Variants in LANCL3 observed in about 807,000 individuals in gnomAD.
The protein encoded by LANCL3 is LanC like family member 3, also known as lanC-like protein 3.
In LANCL3, 19 loss-of-function variants were observed where a neutral mutation model predicts 26.5. That is an observed-to-expected ratio of 0.72 (90% confidence interval 0.50 to 1.05). The LOEUF (loss-of-function observed/expected upper bound fraction) is 1.05. Among genes scored for constraint, LANCL3 ranks in the 50% least tolerant of loss-of-function variants. The pLI is 0.00. For synonymous variants in LANCL3, 160 were observed against 166.6 expected, an observed-to-expected ratio of 0.96 and a Z score of 0.30; for missense variants, 318 against 362.7, an observed-to-expected ratio of 0.88 and a Z score of 1.00.
intron 3 of LANCL3, among the ~76,000 whole-genome samples, chrX:37,665,461 G>C (rs1366492889): frequency 2.7e-5 from 3 of 111,950 alleles, no homozygotes; most frequent in African/African-American, 9.8e-5. Flanking sequence ...TCCATTTAAG[G>C]CCTCATCTAA....
At chrX:37,655,997 G>A (rs1191705407) in intron 2 of LANCL3, among the ~76,000 whole-genome samples, 186 bp downstream of exon 2, 2 of 111,652 alleles carry the variant, frequency 1.8e-5, no homozygotes, top group African/African-American at 3.3e-5. Flanking sequence ...ATTTGTTTTC[G>A]TAGTCTACCT....
chrX:37,594,404 T>C (rs1281472040), intron 1 of LANCL3, among the ~76,000 whole-genome samples: 1 of 112,084 alleles, frequency 8.9e-6, no homozygotes, highest in Non-Finnish European at 1.9e-5. Context: ...AGAGGTTAAG[T>C]AGCTTTCCAA....
intron 1 of LANCL3, among the ~76,000 whole-genome samples, chrX:37,600,162 A>C (rs926130248): frequency 1.8e-5 from 2 of 112,085 alleles, no homozygotes; most frequent in African/African-American, 6.5e-5. Flanking sequence ...GTATAGTACA[A>C]TAAGATATTG....
chrX:37,610,020 A>T (rs1467634570), intron 1 of LANCL3, among the ~76,000 whole-genome samples: 1 of 112,673 alleles, frequency 8.9e-6, no homozygotes, highest in South Asian at 3.7e-4. Context: ...AATAATGGCA[A>T]TCATTTATTT....
chrX:37,592,659 G>T (rs1368891414), intron 1 of LANCL3, among the ~76,000 whole-genome samples: 1 of 111,694 alleles, frequency 9.0e-6, no homozygotes, highest in Non-Finnish European at 1.9e-5. Flanking sequence ...GCAAAAATTA[G>T]AATATTAAGT....
chrX:37,572,502 G>A, intron 1 of LANCL3, 59 bp downstream of exon 1: 1 of 1,007,986 alleles, frequency 9.9e-7, no homozygotes. Context: ...TCCTTTCCCC[G>A]GACTCCGTGG....
intron 1 of LANCL3, among the ~76,000 whole-genome samples, chrX:37,577,070 G>T (rs1169077360): frequency 2.7e-5 from 3 of 112,051 alleles, no homozygotes; most frequent in Non-Finnish European, 5.6e-5. Flanking sequence ...CGTGTTTAAA[G>T]GAGGAAATAT....
chrX:37,616,232 C>CAT (rs200393717), intron 1 of LANCL3, among the ~76,000 whole-genome samples: 6,374 of 111,694 alleles, frequency 0.057, 319 homozygotes, highest in African/African-American at 0.17. Flanking sequence ...CCAGATAATG[C>CAT]ATATATATAT....
intron 1 of LANCL3, among the ~76,000 whole-genome samples, chrX:37,586,881 A>C (rs1602095875): frequency 9.0e-6 from 1 of 110,749 alleles, no homozygotes; most frequent in East Asian, 2.8e-4. Flanking sequence ...CTCGATTTTT[A>C]GAATTTTCAG....
At chrX:37,584,874 T>C (rs1180818947) in intron 1 of LANCL3, among the ~76,000 whole-genome samples, 1 of 111,934 alleles carries the variant, frequency 8.9e-6, no homozygotes, top group African/African-American at 3.3e-5. Context: ...CTCTAGTTCT[T>C]TTAATTGTGA....
intron 1 of LANCL3, among the ~76,000 whole-genome samples, chrX:37,614,330 G>A (rs1356957184): frequency 9.0e-6 from 1 of 111,391 alleles, no homozygotes; most frequent in East Asian, 2.8e-4. Flanking sequence ...GTGGGACCTG[G>A]GTATTAGTAT....
chrX:37,675,853 G>T lies in LANCL3; in HGVS notation c.*40G>T. 1 of 998,827 alleles carries T rather than the reference G, an allele frequency of 1.0e-6. No individual in the cohort carries two copies. Among genetic ancestry groups the T allele is most frequent in the Non-Finnish European group, 1.3e-6 (1 of 770,304 alleles). 82.3% of individuals were successfully genotyped at this position (998,827 alleles called of 1,213,427 possible). A position where few individuals can be genotyped will look rare whatever the true frequency, so the allele number is the denominator to read the frequency against. On this transcript the variant is annotated 3_prime_UTR_variant, in exon 5 of 5. Coordinates refer to ENST00000378619, the MANE Select transcript of LANCL3 (RefSeq NM_001170331.2). ...CACTGTGGCCCTGCAGAGATCCCCT[G>T]AGCCAAGCCGAGGCAGTTTCCACAT...
At chrX:37,583,076 C>T (rs1556417291) in intron 1 of LANCL3, among the ~76,000 whole-genome samples, 1 of 111,875 alleles carries the variant, frequency 8.9e-6, no homozygotes, top group African/African-American at 3.3e-5. Context: ...AATAGGGAAT[C>T]CTTTCCCCAT....
intron 1 of LANCL3, among the ~76,000 whole-genome samples, chrX:37,654,938 C>T (rs1926247022): frequency 8.9e-6 from 1 of 112,003 alleles, no homozygotes; most frequent in Non-Finnish European, 1.9e-5. Flanking sequence ...CTAATTTGTC[C>T]CAGGAAGGGC....
intron 3 of LANCL3, among the ~76,000 whole-genome samples, chrX:37,661,954 T>A (rs1332112025): frequency 8.9e-6 from 1 of 112,224 alleles, no homozygotes; most frequent in Non-Finnish European, 1.9e-5. Flanking sequence ...AGCTTCTAAT[T>A]TCAGCTCCAA....
At chrX:37,647,989 T>C (rs1556427624) in intron 1 of LANCL3, among the ~76,000 whole-genome samples, 1 of 112,213 alleles carries the variant, frequency 8.9e-6, no homozygotes, top group East Asian at 2.8e-4. Context: ...GTAAAGGAAG[T>C]TTCTGCACTA....
chrX:37,635,162 G>T (rs1925670840), intron 1 of LANCL3, among the ~76,000 whole-genome samples: 1 of 111,574 alleles, frequency 9.0e-6, no homozygotes, highest in Non-Finnish European at 1.9e-5. Context: ...TGGAACTTTA[G>T]AGCAAGAAAA....
At chrX:37,584,247 G>C (rs1166309241) in intron 1 of LANCL3, among the ~76,000 whole-genome samples, 1 of 109,627 alleles carries the variant, frequency 9.1e-6, no homozygotes, top group African/African-American at 3.4e-5. Flanking sequence ...TTTTTGCCTC[G>C]ATGTTCATCA....
At chrX:37,594,497 A>G (rs1159934586) in intron 1 of LANCL3, among the ~76,000 whole-genome samples, 1 of 112,068 alleles carries the variant, frequency 8.9e-6, no homozygotes, top group African/African-American at 3.2e-5. Context: ...CCAGTGGGGA[A>G]TCTAACAACA....
Sources: allele counts gnomAD v4.1 joint callset (sites outside exome capture counted in the v4.1 genomes callset), GRCh38; gene constraint gnomAD v4.1.1; transcripts MANE v1.5; gene names NCBI Gene and HGNC (gene_info 2026-07-23, HGNC 2026-07-21).